Variants in DLGAP2 observed in about 807,000 individuals in gnomAD.
The protein encoded by DLGAP2 is disks large-associated protein 2.
A neutral mutation model predicts 100.3 loss-of-function variants in DLGAP2; 26 were observed. The ratio of observed to expected loss-of-function variants is 0.26; its 90% CI spans 0.19 to 0.36. The LOEUF is 0.36. Ranked by LOEUF, DLGAP2 falls within the 10% of genes least tolerant of loss-of-function variation. The pLI is 1.00. For synonymous variants in DLGAP2, 886 were observed against 630.1 expected (o/e 1.41, Z -6.08); for missense variants, 1,858 against 1,453.2 (o/e 1.28, Z -4.53).
At chr8:1,649,962 G>T (rs578201490) in intron 8 of DLGAP2, among the ~76,000 whole-genome samples, 1 of 152,322 alleles carries the variant, frequency 6.6e-6, no homozygotes, top group African/African-American at 2.4e-5. Flanking sequence ...ATTAGCTAAG[G>T]CAGCTGAAAG....
intron 6 of DLGAP2, among the ~76,000 whole-genome samples, chr8:1,604,952 C>T (rs2956956): frequency 0.77 from 116,619 of 152,090 alleles, 44,880 homozygotes; most frequent in East Asian, 0.92. Flanking sequence ...GGTCTGATGT[C>T]TTGTGTCGTG....
At chr8:1,480,996 C>T (rs1799076532) in intron 3 of DLGAP2, among the ~76,000 whole-genome samples, 1 of 151,882 alleles carries the variant, frequency 6.6e-6, no homozygotes, top group East Asian at 1.9e-4. Context: ...CATGGTGAAA[C>T]CCCATCTCTA....
intron 2 of DLGAP2, among the ~76,000 whole-genome samples, chr8:1,007,629 T>C (rs1024137014): frequency 3.2e-5 from 4 of 125,510 alleles, no homozygotes; most frequent in South Asian, 5.3e-4. Flanking sequence ...GGGTAGTTTT[T>C]TTTTTTGGGG....
intron 1 of DLGAP2, among the ~76,000 whole-genome samples, chr8:832,166 C>G (rs1199281033): frequency 6.6e-6 from 1 of 152,094 alleles, no homozygotes; most frequent in Non-Finnish European, 1.5e-5. Flanking sequence ...TGTAGGTTGC[C>G]TTTTCACTCT....
intron 2 of DLGAP2, among the ~76,000 whole-genome samples, chr8:1,160,125 G>A (rs761960470): frequency 6.6e-6 from 1 of 152,208 alleles, no homozygotes; most frequent in African/African-American, 2.4e-5. Flanking sequence ...CCGTGGGTTC[G>A]GAATTGCTCT....
At chr8:1,100,276 C>G (rs1346659006) in intron 2 of DLGAP2, among the ~76,000 whole-genome samples, 1 of 151,168 alleles carries the variant, frequency 6.6e-6, no homozygotes, top group Non-Finnish European at 1.5e-5. Context: ...AAACCTTTGT[C>G]CAGCATGTCC....
At chr8:1,186,841 C>A (rs1022045560) in intron 2 of DLGAP2, among the ~76,000 whole-genome samples, 4 of 152,188 alleles carry the variant, frequency 2.6e-5, no homozygotes, top group Non-Finnish European at 2.9e-5. Flanking sequence ...TGTCTTCTTC[C>A]TGCTCTTCTC....
At chr8:1,186,475 G>A (rs1259225107) in intron 2 of DLGAP2, among the ~76,000 whole-genome samples, 1 of 152,170 alleles carries the variant, frequency 6.6e-6, no homozygotes, top group Non-Finnish European at 1.5e-5. Context: ...CTAAGCCAGC[G>A]AGTACCCATC....
At chr8:1,513,981 A>C (rs1800271086) in intron 4 of DLGAP2, among the ~76,000 whole-genome samples, 1 of 152,214 alleles carries the variant, frequency 6.6e-6, no homozygotes, top group African/African-American at 2.4e-5. Context: ...AGGTACCAGG[A>C]GCTCACACAT....
intron 1 of DLGAP2, among the ~76,000 whole-genome samples, chr8:884,712 A>G (rs1378672662): frequency 2.0e-5 from 3 of 152,114 alleles, no homozygotes; most frequent in African/African-American, 7.2e-5. Flanking sequence ...GCCCTTGCCT[A>G]TGTCCTGAAT....
chr8:1,453,846 C>T (rs1203657978), intron 3 of DLGAP2, among the ~76,000 whole-genome samples: 4 of 152,258 alleles, frequency 2.6e-5, no homozygotes, highest in African/African-American at 9.6e-5. Flanking sequence ...CATTAGACAG[C>T]TCACTTTGAT....
At chr8:1,254,968 A>AGGTGCTGTGTGTGTGCCCTC (rs1799145708) in intron 2 of DLGAP2, among the ~76,000 whole-genome samples, 1 of 49,076 alleles carries the variant, frequency 2.0e-5, no homozygotes, top group African/African-American at 1.7e-4. Flanking sequence ...GTGTCCTCTC[A>AGGTGCTGTGTGTGTGCCCTC]TCCTGTCCGG....
chr8:1,034,471 A>G lies in DLGAP2; in HGVS notation c.73+126505A>G, dbSNP rs1445377461. 2.1e-4 allele frequency among the ~76,000 whole-genome samples: 10 copies of G among 48,618 alleles called. 1 individual carries two copies. The highest frequency in any genetic ancestry group is 1.1e-3 in the Admixed American group (6 of 5,564). 31.9% of individuals were successfully genotyped at this position (48,618 alleles called of 152,430 possible). A position where few individuals can be genotyped will look rare whatever the true frequency, so the allele number is the denominator to read the frequency against. Reference sequence around the variant, plus strand: ...CATCCCAACCCCGCGTGTCACCACGAGTGGGTTCACAGCCTCATCCCGACC... The same window carrying G: ...CATCCCAACCCCGCGTGTCACCACGGGTGGGTTCACAGCCTCATCCCGACC... On this transcript the variant is annotated intron_variant, in intron 2 of 14. Transcript: ENST00000637795.
chr8:902,550 G>A (rs1318516450), intron 1 of DLGAP2, among the ~76,000 whole-genome samples: 5 of 128,556 alleles, frequency 3.9e-5, no homozygotes, highest in African/African-American at 9.2e-5. Context: ...TTGGGGAGCC[G>A]AGAATCACAA....
chr8:1,488,122 G>T (rs894185033), intron 3 of DLGAP2, among the ~76,000 whole-genome samples: 3 of 152,144 alleles, frequency 2.0e-5, no homozygotes, highest in African/African-American at 4.8e-5. Context: ...GCCCACTCAG[G>T]GCAGAGCCTC....
chr8:909,551 A>C (rs374790241), intron 2 of DLGAP2, among the ~76,000 whole-genome samples: 11 of 152,038 alleles, frequency 7.2e-5, no homozygotes, highest in African/African-American at 2.7e-4. Flanking sequence ...TTTACTTTTC[A>C]TGAGACTCCA....
At chr8:1,436,492 G>T (rs185204566) in intron 3 of DLGAP2, among the ~76,000 whole-genome samples, 2 of 152,156 alleles carry the variant, frequency 1.3e-5, no homozygotes, top group African/African-American at 2.4e-5. Context: ...ACTGACTCCA[G>T]TGTTAATCTC....
At position 892,289 on chromosome 8, in the gene DLGAP2, C is replaced by T. The variant is rs1197861742; in HGVS notation, c.19-15623C>T. Among the ~76,000 whole-genome samples, 4 of 152,208 alleles carry T rather than the reference C, an allele frequency of 2.6e-5. No homozygotes were observed. In the East Asian group the frequency reaches 7.7e-4, roughly 29 times the overall value. ...GCTTGTGCACAGCAGCCAGAGGTGG[C>T]AGCAGCTAGCGTGTCCGTCCATGGA... On this transcript the variant is annotated intron_variant, in intron 1 of 14. Transcript: ENST00000637795.
chr8:1,691,735 G>A (rs1799266189), intron 13 of DLGAP2, 109 bp downstream of exon 13: 1 of 971,308 alleles, frequency 1.0e-6, no homozygotes, highest in Non-Finnish European at 1.6e-6. Flanking sequence ...TCGGTATGCG[G>A]AATATCACGT....
Sources: gnomAD v4.1 joint callset for allele counts (sites outside exome capture counted in the v4.1 genomes callset) on GRCh38, gnomAD v4.1.1 for gene constraint, MANE v1.5 for transcripts, NCBI Gene and HGNC (gene_info 2026-07-23, HGNC 2026-07-21) for gene names.